Variants in TNKS observed in about 807,000 individuals in gnomAD.
TNKS encodes the protein tankyrase.
A neutral mutation model predicts 135.8 loss-of-function variants in TNKS; 72 were observed. That is an observed-to-expected ratio of 0.53 (90% CI 0.44 to 0.64). The LOEUF is 0.64. Among genes scored for constraint, TNKS ranks in the 30% least tolerant of loss-of-function variants. The pLI is 0.00. For synonymous variants in TNKS, 849 were observed against 649.3 expected (o/e 1.31, Z -4.68); for missense variants, 1,769 against 1,674.0 (o/e 1.06, Z -0.99).
chr8:9,591,690 A>G (rs185576320), intron 2 of TNKS, among the ~76,000 whole-genome samples: 1 of 152,212 alleles, frequency 6.6e-6, no homozygotes, highest in Non-Finnish European at 1.5e-5. Context: ...TGTGAATGCT[A>G]TTTCCCAATC....
intron 2 of TNKS, among the ~76,000 whole-genome samples, chr8:9,610,529 A>G (rs896372165): frequency 2.0e-5 from 3 of 152,122 alleles, no homozygotes; most frequent in Admixed American, 2.0e-4. Context: ...AAAGAATCTT[A>G]TACATTGAAG....
In TNKS at chr8:9,615,489, A is replaced by T. The variant is rs559714739; in HGVS notation, c.899-93A>T. 5 of 934,876 alleles carry T rather than the reference A, an allele frequency of 5.3e-6. No homozygotes were observed. The African/African-American group carries it at 6.9e-5, about 13-fold the overall frequency. The allele number at this position is 934,876 out of a possible 1,614,324, so 57.9% of individuals were successfully genotyped here. On this transcript the variant is annotated intron_variant, in intron 2 of 26. Transcript: ENST00000310430. ...GAAAGAGAAAAAATTTGTGCAATGT[A>T]TGTTTATGCCTACACCATGCCGAGA...
intron 5 of TNKS, among the ~76,000 whole-genome samples, chr8:9,686,136 G>A (rs1433133402): frequency 2.0e-5 from 3 of 152,140 alleles, no homozygotes; most frequent in Non-Finnish European, 4.4e-5. Context: ...GTGATACTCT[G>A]TCCTATTCAG....
chr8:9,576,807 A>T (rs556229472), intron 1 of TNKS, among the ~76,000 whole-genome samples: 1 of 152,186 alleles, frequency 6.6e-6, no homozygotes, highest in Non-Finnish European at 1.5e-5. Context: ...ATTGAACCAT[A>T]TGAAGTTGAC....
At chr8:9,747,408 G>T (rs572435861) in intron 17 of TNKS, among the ~76,000 whole-genome samples, 1 of 152,010 alleles carries the variant, frequency 6.6e-6, no homozygotes, top group South Asian at 2.1e-4. Flanking sequence ...ATGGTTCAGG[G>T]TCTCATCACC....
chr8:9,781,812 G>C lies in TNKS; in HGVS notation c.*5076G>C, dbSNP rs1226021444. 6.6e-6 allele frequency: 1 copy of C among 152,550 alleles called. No homozygotes were observed. Among genetic ancestry groups the C allele is most frequent in the Non-Finnish European group, 1.5e-5 (1 of 68,006 alleles). 9.4% of individuals were successfully genotyped at this position (152,550 alleles called of 1,614,324 possible). On this transcript the variant is annotated 3_prime_UTR_variant, in exon 27 of 27. Coordinates refer to ENST00000310430, the MANE Select transcript of TNKS (RefSeq NM_003747.3). ...GACTCTTTGGTTCATTATTCGTGTT[G>C]TTTTTATTTTTAGTCTCTGTGTGAC...
In TNKS at chr8:9,781,160, G is replaced by A. The variant is rs1465634367; in HGVS notation, c.*4424G>A. ...CCTCTGAAATAACATTCGCACTGTA[G>A]ATTGCATTTCGGCTTTTCCTCCTTT... On this transcript the variant is annotated 3_prime_UTR_variant, in exon 27 of 27. Transcript: ENST00000310430. 1 of 152,212 alleles carries A rather than the reference G, an allele frequency of 6.6e-6. No individual in the cohort carries two copies. Among genetic ancestry groups the A allele is most frequent in the Non-Finnish European group, 1.5e-5 (1 of 68,048 alleles). 9.4% of individuals were successfully genotyped at this position (152,212 alleles called of 1,614,324 possible). A position where few individuals can be genotyped will look rare whatever the true frequency, so the allele number is the denominator to read the frequency against.
Position 9,688,558 on chromosome 8 carries a change from G to C in TNKS, c.1107+7758G>C, listed in dbSNP as rs188556921. ...CAACAACAGAAATTTATTTCTCACA[G>C]TTCTAAAGGCTGGGAAGTCCAAGGT... On this transcript the variant is annotated intron_variant, in intron 5 of 26. Coordinates refer to ENST00000310430, the MANE Select transcript of TNKS (RefSeq NM_003747.3). Among the ~76,000 whole-genome samples, 19 of 152,304 alleles carry C rather than the reference G, an allele frequency of 1.2e-4. 1 individual carries two copies. In the East Asian group the frequency reaches 3.5e-3, roughly 28 times the overall value.
At chr8:9,742,854 A>T (rs1585404742) in intron 17 of TNKS, among the ~76,000 whole-genome samples, 1 of 151,438 alleles carries the variant, frequency 6.6e-6, no homozygotes, top group Non-Finnish European at 1.5e-5. Flanking sequence ...ATACATTTAT[A>T]TATTTAAGGA....
At chr8:9,704,877 T>C (rs1375398037) in intron 6 of TNKS, 120 bp downstream of exon 6, 3 of 611,034 alleles carry the variant, frequency 4.9e-6, no homozygotes, top group Non-Finnish European at 8.1e-6. Flanking sequence ...GTTTTAAGAA[T>C]GTTCATAACT....
chr8:9,726,548 A>G (rs1249022568), intron 12 of TNKS, 93 bp from the exon 13 acceptor site: 7 of 851,058 alleles, frequency 8.2e-6, no homozygotes, highest in African/African-American at 1.7e-5. Context: ...CTACTTTGCA[A>G]TCCCTCAAGA....
intron 18 of TNKS, among the ~76,000 whole-genome samples, chr8:9,750,380 C>T (rs907802749): frequency 6.6e-6 from 1 of 152,200 alleles, no homozygotes; most frequent in African/African-American, 2.4e-5. Context: ...TCCTTTCTCT[C>T]TTCCTGTACC....
chr8:9,610,576 T>C (rs985125677), intron 2 of TNKS, among the ~76,000 whole-genome samples: 1 of 152,126 alleles, frequency 6.6e-6, no homozygotes, highest in Non-Finnish European at 1.5e-5. Context: ...TTTGATATTT[T>C]TCTATAAAAT....
intron 2 of TNKS, among the ~76,000 whole-genome samples, chr8:9,581,225 A>T (rs1798151400): frequency 6.6e-6 from 1 of 152,212 alleles, no homozygotes; most frequent in Non-Finnish European, 1.5e-5. Context: ...GGTTAAGATT[A>T]TTCCTCCTTA....
intron 3 of TNKS, among the ~76,000 whole-genome samples, chr8:9,636,075 G>A (rs911668065): frequency 1.3e-5 from 2 of 152,144 alleles, no homozygotes; most frequent in African/African-American, 4.8e-5. Context: ...AGTACTAAAC[G>A]CAAGGAGAAA....
chr8:9,595,712 CT>C (rs1219769992), intron 2 of TNKS, among the ~76,000 whole-genome samples: 1 of 151,992 alleles, frequency 6.6e-6, no homozygotes, highest in African/African-American at 2.4e-5. Flanking sequence ...TTTTCATATA[CT>C]TTTTTACAGT....
intron 12 of TNKS, among the ~76,000 whole-genome samples, chr8:9,724,218 G>A (rs975277064): frequency 6.6e-5 from 10 of 152,110 alleles, no homozygotes; most frequent in South Asian, 4.1e-4. Flanking sequence ...GGGAGGCAAC[G>A]GTGGGAGGAT....
chr8:9,674,435 A>C lies in TNKS; in HGVS notation c.995-5516A>C, dbSNP rs112091050. Among the ~76,000 whole-genome samples, 1,142 of 152,316 alleles carry C rather than the reference A, an allele frequency of 7.5e-3. 14 individuals are homozygous for C. Among genetic ancestry groups the C allele is most frequent in the African/African-American group, 0.023 (958 of 41,566 alleles). ...AAAAGCTTATGTTTTGGTAGTGATA[A>C]TTTTAAGAGTAAAGAATATGGAAAA... On this transcript the variant is annotated intron_variant, in intron 3 of 26. Transcript: ENST00000310430.
intron 12 of TNKS, among the ~76,000 whole-genome samples, chr8:9,721,141 G>A (rs28721416): frequency 0.019 from 2,898 of 151,688 alleles, 47 homozygotes; most frequent in African/African-American, 0.052. Flanking sequence ...TTAGCTGGGC[G>A]GAGTGGCGCA....
Sources: gnomAD v4.1 joint callset for allele counts (sites outside exome capture counted in the v4.1 genomes callset) on GRCh38, gnomAD v4.1.1 for gene constraint, MANE v1.5 for transcripts, NCBI Gene and HGNC (gene_info 2026-07-23, HGNC 2026-07-21) for gene names.